SDK1: variants seen among roughly 807,000 people sequenced by gnomAD.
SDK1 encodes protein sidekick-1.
A neutral mutation model predicts 245.5 loss-of-function variants in SDK1; 157 were observed. The observed-to-expected ratio is 0.64, with a 90% CI of 0.56 to 0.73. SDK1 has a LOEUF of 0.73. SDK1 is among the 30% of genes least tolerant of loss of function. The pLI is 0.00. For missense variants in SDK1, 3,583 were observed against 3,002.3 expected (o/e 1.19, Z -4.52); for synonymous variants, 1,647 against 1,278.5 (o/e 1.29, Z -6.15).
intron 4 of SDK1, among the ~76,000 whole-genome samples, chr7:3,806,877 G>T (rs1282432181): frequency 4.6e-5 from 7 of 152,022 alleles, no homozygotes; most frequent in Admixed American, 4.6e-4. Context: ...GGGGTTGTCT[G>T]GGAACTAAGA....
chr7:3,691,793 G>A (rs1322074918), intron 4 of SDK1, among the ~76,000 whole-genome samples: 2 of 152,288 alleles, frequency 1.3e-5, no homozygotes, highest in South Asian at 2.1e-4. Context: ...TTAATTAAGA[G>A]TTAATACTTG....
intron 4 of SDK1, among the ~76,000 whole-genome samples, chr7:3,709,631 C>G (rs1006401380): frequency 1.3e-5 from 2 of 152,220 alleles, no homozygotes; most frequent in Non-Finnish European, 2.9e-5. Flanking sequence ...TGGTGTGTCT[C>G]TGCAGACTAT....
intron 4 of SDK1, among the ~76,000 whole-genome samples, chr7:3,808,668 T>C (rs1213314527): frequency 1.3e-5 from 2 of 152,154 alleles, no homozygotes; most frequent in Non-Finnish European, 2.9e-5. Flanking sequence ...TTCCACCTGA[T>C]GGCTGTTTGA....
intron 1 of SDK1, among the ~76,000 whole-genome samples, chr7:3,373,679 G>A (rs952231240): frequency 1.3e-5 from 2 of 151,442 alleles, no homozygotes; most frequent in Middle Eastern, 3.2e-3. Flanking sequence ...GCACTAAAAA[G>A]TAAATACTAA....
intron 5 of SDK1, among the ~76,000 whole-genome samples, chr7:3,847,728 A>C (rs1286745345): frequency 8.5e-5 from 13 of 152,254 alleles, no homozygotes. Flanking sequence ...GTACCTGCAA[A>C]TAGTTGCAAG....
intron 1 of SDK1, among the ~76,000 whole-genome samples, chr7:3,503,781 A>G (rs928028459): frequency 6.6e-6 from 1 of 152,198 alleles, no homozygotes; most frequent in Non-Finnish European, 1.5e-5. Flanking sequence ...AAATTTTAAA[A>G]TATTGTTAAA....
intron 5 of SDK1, among the ~76,000 whole-genome samples, chr7:3,890,229 G>A (rs1358215593): frequency 1.3e-5 from 2 of 152,210 alleles, no homozygotes; most frequent in African/African-American, 4.8e-5. Flanking sequence ...GAATTACTCT[G>A]CAGACCTGCA....
chr7:3,469,306 T>A (rs1364685944), intron 1 of SDK1, among the ~76,000 whole-genome samples: 1 of 152,054 alleles, frequency 6.6e-6, no homozygotes, highest in Non-Finnish European at 1.5e-5. Flanking sequence ...TAGCACACAC[T>A]TGTCGTCCCA....
At chr7:3,603,920 T>C (rs1477893900) in intron 1 of SDK1, among the ~76,000 whole-genome samples, 1 of 152,240 alleles carries the variant, frequency 6.6e-6, no homozygotes, top group East Asian at 1.9e-4. Flanking sequence ...AAAGGCCTTT[T>C]CTGCATCTAT....
intron 36 of SDK1, among the ~76,000 whole-genome samples, chr7:4,207,355 C>T (rs987504341): frequency 5.9e-5 from 9 of 152,156 alleles, no homozygotes; most frequent in South Asian, 2.1e-4. Context: ...TGGCACTGGT[C>T]GGAGGTAGCA....
intron 1 of SDK1, among the ~76,000 whole-genome samples, chr7:3,426,964 A>T (rs1157308829): frequency 6.6e-6 from 1 of 152,118 alleles, no homozygotes; most frequent in Non-Finnish European, 1.5e-5. Flanking sequence ...TTCCAACCTC[A>T]TCTCTCATCA....
chr7:3,605,330 G>A (rs965902425), intron 1 of SDK1, among the ~76,000 whole-genome samples: 2 of 152,182 alleles, frequency 1.3e-5, no homozygotes, highest in African/African-American at 4.8e-5. Context: ...GTAGCTCAGT[G>A]CTTATTAGAT....
chr7:3,346,010 A>G (rs1583715226), intron 1 of SDK1, among the ~76,000 whole-genome samples: 1 of 152,286 alleles, frequency 6.6e-6, no homozygotes, highest in East Asian at 1.9e-4. Context: ...CCCCATTGTT[A>G]GATGTTTCTG....
chr7:3,885,983 C>T (rs1345980638), intron 5 of SDK1, among the ~76,000 whole-genome samples: 3 of 152,150 alleles, frequency 2.0e-5, no homozygotes, highest in African/African-American at 7.2e-5. Flanking sequence ...AAAAGGATTT[C>T]AGTGCAAGGG....
chr7:4,194,208 A>C (rs2128223535), intron 35 of SDK1, among the ~76,000 whole-genome samples: 1 of 151,970 alleles, frequency 6.6e-6, no homozygotes, highest in Non-Finnish European at 1.5e-5. Flanking sequence ...AGCGAGAGAG[A>C]TATATATATG....
chr7:3,731,410 C>T (rs1662612168), intron 4 of SDK1, among the ~76,000 whole-genome samples: 1 of 152,190 alleles, frequency 6.6e-6, no homozygotes, highest in Admixed American at 6.5e-5. Context: ...CAATGTGGAG[C>T]CACTGATCCC....
intron 1 of SDK1, among the ~76,000 whole-genome samples, chr7:3,440,364 G>A (rs1780159164): frequency 6.6e-6 from 1 of 152,114 alleles, no homozygotes; most frequent in Non-Finnish European, 1.5e-5. Context: ...ACAGTCTGTT[G>A]GTTCAGGTGG....
chr7:4,135,582 G>A (rs1295202971), intron 28 of SDK1, among the ~76,000 whole-genome samples: 1 of 152,198 alleles, frequency 6.6e-6, no homozygotes, highest in Non-Finnish European at 1.5e-5. Context: ...CAAGTAGGCC[G>A]GCAGCCTGGG....
At chr7:4,155,188 G>A (rs1284032753) in intron 30 of SDK1, among the ~76,000 whole-genome samples, 1 of 151,958 alleles carries the variant, frequency 6.6e-6, no homozygotes, top group Non-Finnish European at 1.5e-5. Context: ...CTTTCTGCCT[G>A]GTTTTGGGGG....
Sources: gnomAD v4.1 joint callset for allele counts (sites outside exome capture counted in the v4.1 genomes callset) on GRCh38, gnomAD v4.1.1 for gene constraint, MANE v1.5 for transcripts, NCBI Gene and HGNC (gene_info 2026-07-23, HGNC 2026-07-21) for gene names.